Variants in NPSR1 observed in about 807,000 individuals in gnomAD.
The protein encoded by NPSR1 is neuropeptide S receptor 1, also known as neuropeptide S receptor.
NPSR1 carries 48 observed loss-of-function variants against 46.9 expected under a neutral mutation model. The ratio of observed to expected loss-of-function variants is 1.02; its 90% CI spans 0.81 to 1.30. The LOEUF is 1.30. Among genes scored for constraint, NPSR1 ranks in the 50% most tolerant of loss-of-function variants. The pLI, the probability that NPSR1 is intolerant of heterozygous loss-of-function variation, is 0.00. For missense variants in NPSR1, 450 were observed against 449.5 expected (o/e 1.00, Z -0.01); for synonymous variants, 176 against 168.1 (o/e 1.05, Z -0.36).
At chr7:34,756,124 G>T (rs1179292202) in intron 2 of NPSR1, among the ~76,000 whole-genome samples, 1 of 152,162 alleles carries the variant, frequency 6.6e-6, no homozygotes, top group Non-Finnish European at 1.5e-5. Flanking sequence ...AAGCTGAAAT[G>T]AGAGCACCTG....
Position 34,864,543 on chromosome 7 carries a change from C to CA in NPSR1, c.1026-13529dup, listed in dbSNP as rs1309842901. Among the ~76,000 whole-genome samples, 7 of 151,716 alleles carry CA rather than the reference C, an allele frequency of 4.6e-5. No homozygotes were observed. The East Asian group carries it at 1.2e-3, about 25-fold the overall frequency. On this transcript the variant is annotated intron_variant, in intron 8 of 8. Transcript: ENST00000359791. Reference sequence around the variant, plus strand: ...ATTAAACCCCAAAGGAGTTGAAGTCCAAAATCATATTCTCTTCACCTTGTA... The same window carrying CA: ...ATTAAACCCCAAAGGAGTTGAAGTCCAAAAATCATATTCTCTTCACCTTGTA...
intron 2 of NPSR1, among the ~76,000 whole-genome samples, chr7:34,723,772 G>A (rs1783992780): frequency 6.6e-6 from 1 of 152,076 alleles, no homozygotes; most frequent in South Asian, 2.1e-4. Context: ...CTCCGGAGCA[G>A]GGCTTTGGGT....
At chr7:34,792,689 G>GTA (rs1489386225) in intron 3 of NPSR1, among the ~76,000 whole-genome samples, 10 of 74,318 alleles carry the variant, frequency 1.3e-4, no homozygotes, top group African/African-American at 4.4e-4. Context: ...ATATATATAT[G>GTA]TATATATATA....
At chr7:34,857,703 A>G (rs143262342) in intron 8 of NPSR1, among the ~76,000 whole-genome samples, 140 of 151,882 alleles carry the variant, frequency 9.2e-4, no homozygotes, top group Middle Eastern at 6.8e-3. Flanking sequence ...GATACATTTA[A>G]TTATTTAAAA....
chr7:34,731,952 G>T (rs925532665), intron 2 of NPSR1, among the ~76,000 whole-genome samples: 1 of 151,948 alleles, frequency 6.6e-6, no homozygotes. Flanking sequence ...AGGCCAAGGC[G>T]GGCAGATCAC....
rs568430664 is a variant in NPSR1, at chr7:34,802,452, A to G, written c.385-9318A>G. Among the ~76,000 whole-genome samples the G allele has an allele frequency of 1.8e-3, 276 of 150,334 alleles. 24 individuals are homozygous for G. The highest frequency in any genetic ancestry group is 6.8e-3 in the African/African-American group (270 of 39,710). On this transcript the variant is annotated intron_variant, in intron 3 of 8. Coordinates refer to ENST00000360581, the MANE Select transcript of NPSR1 (RefSeq NM_207172.2). ...CTGATCTTTGACAAACCTGAGAAAAACAAGCAATGGGGAAAGGATTCCCTA... is the reference window on the plus strand; with the variant it reads ...CTGATCTTTGACAAACCTGAGAAAAGCAAGCAATGGGGAAAGGATTCCCTA...
chr7:34,796,811 A>C (rs1205759130), intron 3 of NPSR1, among the ~76,000 whole-genome samples: 2 of 152,184 alleles, frequency 1.3e-5, no homozygotes, highest in Non-Finnish European at 2.9e-5. Flanking sequence ...CATTCCAGCA[A>C]TTGTGCTCCT....
In NPSR1 at chr7:34,857,305, G is replaced by A. The variant is rs1339395973; in HGVS notation, c.1025+8642G>A. Among the ~76,000 whole-genome samples the A allele has an allele frequency of 5.3e-5, 8 of 151,554 alleles. No individual in the cohort carries two copies. The East Asian group carries it at 5.8e-4, about 11-fold the overall frequency. On this transcript the variant is annotated intron_variant, in intron 8 of 8. Transcript: ENST00000359791. ...AATGCAAAGGGCCAAAAATAGCCAC[G>A]ACACTGTTGACTAAAAAGGAAAAAA...
chr7:34,828,038 T>C (rs992488814), intron 5 of NPSR1, among the ~76,000 whole-genome samples: 42 of 152,228 alleles, frequency 2.8e-4, no homozygotes, highest in African/African-American at 9.9e-4. Flanking sequence ...TAAGGCAAAT[T>C]ACCAGTTTCA....
chr7:34,672,075 A>T (rs1056676683), intron 1 of NPSR1, among the ~76,000 whole-genome samples: 2 of 152,160 alleles, frequency 1.3e-5, no homozygotes, highest in African/African-American at 2.4e-5. Flanking sequence ...TTTGGACTTA[A>T]TTTGCTCAAA....
Position 34,767,816 on chromosome 7 carries a change from A to G in NPSR1, c.281-10646A>G, listed in dbSNP as rs375392015. Among the ~76,000 whole-genome samples, 15 of 152,250 alleles carry G rather than the reference A, an allele frequency of 9.9e-5. No homozygotes were observed. In the East Asian group the frequency reaches 1.9e-3, roughly 20 times the overall value. On this transcript the variant is annotated intron_variant, in intron 2 of 8. Transcript: ENST00000360581. ...TAAAAAGCTAGCTATAACTTATCCA[A>G]AGTACCAAATAAAGGTAAAGAAGAA...
chr7:34,727,865 C>A (rs1784238177), intron 2 of NPSR1, among the ~76,000 whole-genome samples: 1 of 152,074 alleles, frequency 6.6e-6, no homozygotes, highest in Non-Finnish European at 1.5e-5. Flanking sequence ...GTGTAACTGC[C>A]ATTCTCCCAA....
chr7:34,818,007 C>T (rs899815884), intron 4 of NPSR1, among the ~76,000 whole-genome samples: 1 of 152,102 alleles, frequency 6.6e-6, no homozygotes, highest in Non-Finnish European at 1.5e-5. Context: ...AAAACCGGCA[C>T]AAGACAAGGA....
chr7:34,766,384 A>C (rs959572944), intron 2 of NPSR1, among the ~76,000 whole-genome samples: 22 of 152,208 alleles, frequency 1.4e-4, no homozygotes, highest in Non-Finnish European at 2.1e-4. Flanking sequence ...ATTTATATTC[A>C]CACAAAAACC....
At chr7:34,855,198 T>G (rs1791024735) in intron 8 of NPSR1, among the ~76,000 whole-genome samples, 2 of 151,996 alleles carry the variant, frequency 1.3e-5, no homozygotes, top group African/African-American at 4.8e-5. Flanking sequence ...CTTATGAAGT[T>G]AGAAACATTT....
chr7:34,831,721 C>T (rs953329462), intron 5 of NPSR1, among the ~76,000 whole-genome samples: 3 of 152,038 alleles, frequency 2.0e-5, no homozygotes, highest in Non-Finnish European at 4.4e-5. Context: ...AGGTTATTAG[C>T]CCTGGTGTAA....
At chr7:34,732,524 G>A (rs189398261) in intron 2 of NPSR1, among the ~76,000 whole-genome samples, 17 of 152,268 alleles carry the variant, frequency 1.1e-4, no homozygotes, top group African/African-American at 3.4e-4. Flanking sequence ...AGATTCAGGG[G>A]AAGTTGAGAT....
At chr7:34,684,440 C>G (rs1249209348) in intron 1 of NPSR1, 112 bp from the exon 2 acceptor site, 3 of 1,014,724 alleles carry the variant, frequency 3.0e-6, no homozygotes, top group Non-Finnish European at 4.4e-6. Flanking sequence ...GTAGAGCTTC[C>G]AAAAGTAGGG....
At chr7:34,702,175 C>T (rs1793862091) in intron 2 of NPSR1, among the ~76,000 whole-genome samples, 1 of 152,150 alleles carries the variant, frequency 6.6e-6, no homozygotes, top group Non-Finnish European at 1.5e-5. Flanking sequence ...GCTAGAACAT[C>T]TGTCATCATG....
Sources: allele counts gnomAD v4.1 joint callset (sites outside exome capture counted in the v4.1 genomes callset), GRCh38; gene constraint gnomAD v4.1.1; transcripts MANE v1.5; gene names NCBI Gene and HGNC (gene_info 2026-07-23, HGNC 2026-07-21).